GFRA1: variants seen among roughly 807,000 people sequenced by gnomAD.
The protein encoded by GFRA1 is GDNF family receptor alpha-1.
Under a neutral mutation model 51.6 loss-of-function variants are expected in GFRA1, and 16 were observed. The ratio of observed to expected loss-of-function variants is 0.31; its 90% CI spans 0.21 to 0.47. The LOEUF is 0.47. Among genes scored for constraint, GFRA1 ranks in the 20% least tolerant of loss-of-function variants. The pLI, the probability that GFRA1 is intolerant of heterozygous loss-of-function variation, is 1.00. For missense variants in GFRA1, 530 were observed against 594.3 expected, an observed-to-expected ratio of 0.89 and a Z score of 1.13; for synonymous variants, 270 against 241.3, an observed-to-expected ratio of 1.12 and a Z score of -1.10.
chr10:116,112,231 A>C (rs895759421), intron 6 of GFRA1, among the ~76,000 whole-genome samples: 1 of 152,172 alleles, frequency 6.6e-6, no homozygotes, highest in African/African-American at 2.4e-5. Context: ...CCTTTGCTGG[A>C]GTGAACGTTC....
At chr10:116,255,192 T>C (rs1346056678) in intron 4 of GFRA1, among the ~76,000 whole-genome samples, 1 of 152,220 alleles carries the variant, frequency 6.6e-6, no homozygotes, top group Admixed American at 6.5e-5. Flanking sequence ...TAGGATATGC[T>C]GCTCTGTTTG....
Position 116,259,804 on chromosome 10 carries a change from G to A in GFRA1, c.418+9699C>T, listed in dbSNP as rs569209769. ...CTAAGCTCTTCCAGGTATCAGCTGT[G>A]TGGCCTTAAGAAAGTTACTCAACCT... On this transcript the variant is annotated intron_variant, in intron 4 of 10. Coordinates refer to ENST00000355422, the MANE Select transcript of GFRA1 (RefSeq NM_005264.8). Among the ~76,000 whole-genome samples, 3 of 152,338 alleles carry A rather than the reference G, an allele frequency of 2.0e-5. No homozygotes were observed. In the South Asian group the frequency reaches 6.2e-4, roughly 32 times the overall value.
intron 5 of GFRA1, among the ~76,000 whole-genome samples, chr10:116,128,850 G>A (rs1200584593): frequency 1.5e-5 from 2 of 133,816 alleles, no homozygotes; most frequent in Non-Finnish European, 3.4e-5. Flanking sequence ...TATTAGAAAA[G>A]CAATATTTTT....
intron 5 of GFRA1, among the ~76,000 whole-genome samples, chr10:116,187,400 G>C (rs117741602): frequency 1.3e-5 from 2 of 152,176 alleles, no homozygotes; most frequent in Non-Finnish European, 2.9e-5. Context: ...TAAGTTGGAC[G>C]AAGTGCTCAG....
At position 116,059,874 on chromosome 10, in the gene GFRA1, AGAG is replaced by A. The variant is rs1954718926; in HGVS notation, c.*4521_*4523del. 6.6e-6 allele frequency: 1 copy of A among 152,212 alleles called. No homozygotes were observed. Among genetic ancestry groups the A allele is most frequent in the Non-Finnish European group, 1.5e-5 (1 of 68,042 alleles). The allele number at this position is 152,212 out of a possible 1,614,324, so 9.4% of individuals were successfully genotyped here. A position where few individuals can be genotyped will look rare whatever the true frequency, so the allele number is the denominator to read the frequency against. On this transcript the variant is annotated 3_prime_UTR_variant, in exon 11 of 11. Coordinates refer to ENST00000355422, the MANE Select transcript of GFRA1 (RefSeq NM_005264.8). ...ATCTTCAGATCATCTGGCTCCTGAG[AGAG>A]GCTTCTCTGTCTTAAAATATATCTG...
intron 10 of GFRA1, 100 bp downstream of exon 10, chr10:116,065,473 A>C: frequency 1.1e-6 from 1 of 929,862 alleles, no homozygotes; most frequent in Non-Finnish European, 1.7e-6. Context: ...TGGACTGGAT[A>C]CCTTCTTGTC....
At chr10:116,157,293 C>T (rs1269879878) in intron 5 of GFRA1, among the ~76,000 whole-genome samples, 1 of 152,214 alleles carries the variant, frequency 6.6e-6, no homozygotes, top group East Asian at 1.9e-4. Context: ...ATTTTAATGA[C>T]TTCTTTTAAG....
chr10:116,242,674 G>A (rs1177496105), intron 4 of GFRA1, among the ~76,000 whole-genome samples: 2 of 151,874 alleles, frequency 1.3e-5, no homozygotes, highest in Non-Finnish European at 2.9e-5. Flanking sequence ...TAGAGATGGG[G>A]TTTCACTATG....
chr10:116,165,661 A>G (rs1042555850), intron 5 of GFRA1, among the ~76,000 whole-genome samples: 3 of 133,340 alleles, frequency 2.2e-5, no homozygotes, highest in African/African-American at 8.2e-5. Context: ...TCTTTCTCTC[A>G]CTCTCACACA....
chr10:116,148,097 T>TGCATGCGTGA (rs1555158915), intron 5 of GFRA1, among the ~76,000 whole-genome samples: 1 of 148,882 alleles, frequency 6.7e-6, no homozygotes, highest in Non-Finnish European at 1.5e-5. Context: ...TGCATGCGTG[T>TGCATGCGTGA]GTGCATGCAT....
chr10:116,157,739 A>G (rs1006772213), intron 5 of GFRA1, among the ~76,000 whole-genome samples: 38 of 152,202 alleles, frequency 2.5e-4, no homozygotes, highest in Non-Finnish European at 8.8e-5. Context: ...TGAATGTGAA[A>G]CTGGGAGTTC....
chr10:116,217,401 T>A (rs1191532147), intron 4 of GFRA1, among the ~76,000 whole-genome samples: 1 of 152,268 alleles, frequency 6.6e-6, no homozygotes, highest in African/African-American at 2.4e-5. Flanking sequence ...AGGCCACAAG[T>A]ACTTTGTAGT....
intron 5 of GFRA1, among the ~76,000 whole-genome samples, chr10:116,177,638 G>A (rs1267186071): frequency 7.9e-5 from 12 of 152,196 alleles, no homozygotes. Flanking sequence ...ATTCTCCAAA[G>A]GAGCAGGATG....
chr10:116,132,754 C>T (rs1345747463), intron 5 of GFRA1, among the ~76,000 whole-genome samples: 1 of 152,118 alleles, frequency 6.6e-6, no homozygotes, highest in Non-Finnish European at 1.5e-5. Flanking sequence ...TTGAATGGAT[C>T]CCCCAGTGCA....
intron 5 of GFRA1, among the ~76,000 whole-genome samples, chr10:116,177,782 C>T (rs1961775806): frequency 6.6e-6 from 1 of 152,150 alleles, no homozygotes; most frequent in Non-Finnish European, 1.5e-5. Context: ...GCTATTTCTC[C>T]CTACTGACAA....
intron 6 of GFRA1, among the ~76,000 whole-genome samples, chr10:116,102,790 C>T (rs1269783993): frequency 6.6e-6 from 1 of 152,170 alleles, no homozygotes; most frequent in Non-Finnish European, 1.5e-5. Context: ...ATTATGGAAG[C>T]TACAATTCAA....
intron 4 of GFRA1, among the ~76,000 whole-genome samples, chr10:116,251,139 C>T (rs1334116978): frequency 2.0e-5 from 3 of 152,226 alleles, no homozygotes; most frequent in Non-Finnish European, 4.4e-5. Flanking sequence ...TATCAAAACA[C>T]GTGCATTTTA....
intron 5 of GFRA1, among the ~76,000 whole-genome samples, chr10:116,187,783 T>A (rs535569580): frequency 6.6e-6 from 1 of 152,102 alleles, no homozygotes; most frequent in African/African-American, 2.4e-5. Flanking sequence ...ATCTCAACAT[T>A]GGCCATGGAA....
At chr10:116,199,897 A>G (rs2901063) in intron 5 of GFRA1, among the ~76,000 whole-genome samples, 38,357 of 152,214 alleles carry the variant, frequency 0.25, 5,980 homozygotes, top group South Asian at 0.45. Context: ...TCATTTCCCC[A>G]GAAGGAAACG....
Sources: gnomAD v4.1 joint callset for allele counts (sites outside exome capture counted in the v4.1 genomes callset) on GRCh38, gnomAD v4.1.1 for gene constraint, MANE v1.5 for transcripts, NCBI Gene and HGNC (gene_info 2026-07-23, HGNC 2026-07-21) for gene names.